RAB38: variants seen among roughly 807,000 people sequenced by gnomAD.
The protein encoded by RAB38 is RAB38, member RAS oncogene family.
A neutral mutation model predicts 18.4 loss-of-function variants in RAB38; 15 were observed. The ratio of observed to expected loss-of-function variants is 0.82; its 90% CI spans 0.55 to 1.26. RAB38 has a LOEUF of 1.26. Among genes scored for constraint, RAB38 ranks in the 50% most tolerant of loss-of-function variants. The probability of loss-of-function intolerance (pLI) is 0.00; values close to 1 mark genes in which losing one functional copy is unlikely to be tolerated. For synonymous variants in RAB38, 101 were observed against 104.4 expected (o/e 0.97, Z 0.20); for missense variants, 294 against 267.4 (o/e 1.10, Z -0.69).
the RAB38 span, among the ~76,000 whole-genome samples, chr11:87,863,228 A>C: frequency 1.3e-5 from 2 of 151,862 alleles, no homozygotes; most frequent in Non-Finnish European, 2.9e-5. Context: ...CTTTAGGTAA[A>C]TTATTTCTCT....
chr11:88,129,593 G>A (rs1215615203), intron 2 of RAB38, among the ~76,000 whole-genome samples: 5 of 152,068 alleles, frequency 3.3e-5, no homozygotes, highest in African/African-American at 9.7e-5. Flanking sequence ...GCAGTGAGCC[G>A]AGATCGTGCC....
At chr11:88,147,620 C>A (rs969912306) in intron 2 of RAB38, among the ~76,000 whole-genome samples, 7 of 150,766 alleles carry the variant, frequency 4.6e-5, no homozygotes, top group African/African-American at 1.7e-4. Context: ...CAGCCGGGTG[C>A]GGTGGCTCAC....
the RAB38 span, among the ~76,000 whole-genome samples, chr11:87,804,898 G>A: frequency 0.06 from 9,204 of 152,166 alleles, 387 homozygotes; most frequent in Admixed American, 0.087. Flanking sequence ...ATTTTTCTCA[G>A]TGTTATCATT....
At chr11:87,833,923 T>G in the RAB38 span, among the ~76,000 whole-genome samples, 57 of 152,346 alleles carry the variant, frequency 3.7e-4, no homozygotes, top group African/African-American at 1.3e-3. Context: ...ATTAAGGTTA[T>G]TACTCAGCTG....
chr11:87,864,164 G>C, the RAB38 span, among the ~76,000 whole-genome samples: 2 of 151,564 alleles, frequency 1.3e-5, no homozygotes, highest in Non-Finnish European at 3.0e-5. Flanking sequence ...TAGATATGTG[G>C]ACATTTTGGA....
chr11:87,920,550 G>C, the RAB38 span, among the ~76,000 whole-genome samples: 3 of 152,076 alleles, frequency 2.0e-5, no homozygotes, highest in South Asian at 2.1e-4. Context: ...TTATTTTGTG[G>C]TTTAATATAT....
the RAB38 span, among the ~76,000 whole-genome samples, chr11:87,805,736 C>CATATATGTGT: frequency 6.6e-6 from 1 of 151,742 alleles, no homozygotes; most frequent in Non-Finnish European, 1.5e-5. Flanking sequence ...TATACACACA[C>CATATATGTGT]ATACATATAT....
the RAB38 span, among the ~76,000 whole-genome samples, chr11:87,877,845 A>G: frequency 0.013 from 1,998 of 151,404 alleles, 43 homozygotes; most frequent in African/African-American, 0.047. Context: ...CATCAAATCA[A>G]TCCCTCCTTG....
At chr11:87,873,949 T>C in the RAB38 span, among the ~76,000 whole-genome samples, 214 of 137,948 alleles carry the variant, frequency 1.6e-3, 1 homozygote, top group Admixed American at 3.6e-3. Flanking sequence ...TATATATATA[T>C]ACTCTGCATA....
chr11:88,108,460 GT>G (rs558872851), downstream of RAB38, among the ~76,000 whole-genome samples: 2 of 151,796 alleles, frequency 1.3e-5, no homozygotes, highest in Non-Finnish European at 2.9e-5. Flanking sequence ...GTTTTTGTTT[GT>G]TTTTTTGTTT....
At chr11:88,145,788 T>C (rs1382151938) in intron 2 of RAB38, among the ~76,000 whole-genome samples, 2 of 152,202 alleles carry the variant, frequency 1.3e-5, no homozygotes, top group East Asian at 1.9e-4. Context: ...GGTGACCATG[T>C]AAATTTAAAT....
chr11:87,911,243 G>C, the RAB38 span, among the ~76,000 whole-genome samples: 16 of 152,072 alleles, frequency 1.1e-4, no homozygotes, highest in Non-Finnish European at 1.9e-4. Flanking sequence ...TCTTCACAAA[G>C]TTGTTTTGAC....
At chr11:88,131,442 T>G (rs1591161131) in intron 2 of RAB38, among the ~76,000 whole-genome samples, 1 of 152,214 alleles carries the variant, frequency 6.6e-6, no homozygotes, top group African/African-American at 2.4e-5. Flanking sequence ...GAATGCTGAT[T>G]TTTGCATAGG....
chr11:88,064,331 A>T, the RAB38 span, among the ~76,000 whole-genome samples: 1 of 152,234 alleles, frequency 6.6e-6, no homozygotes, highest in East Asian at 1.9e-4. Flanking sequence ...CTCCTCTTCT[A>T]GTTAAGTTGA....
At chr11:88,098,788 G>A in the RAB38 span, 5 of 151,882 alleles carry the variant, frequency 3.3e-5, no homozygotes, top group African/African-American at 1.2e-4. Flanking sequence ...TGATTTATTA[G>A]ATAATAGCGA....
At chr11:88,101,358 T>C in the RAB38 span, among the ~76,000 whole-genome samples, 3 of 151,968 alleles carry the variant, frequency 2.0e-5, no homozygotes, top group Admixed American at 2.0e-4. Flanking sequence ...TGAAACATCA[T>C]TTAAAGGCAA....
At chr11:87,924,195 C>A in the RAB38 span, among the ~76,000 whole-genome samples, 1 of 151,906 alleles carries the variant, frequency 6.6e-6, no homozygotes, top group South Asian at 2.1e-4. Context: ...ACTTGCTTCC[C>A]CAATTTGGCA....
chr11:88,086,951 A>T, the RAB38 span, among the ~76,000 whole-genome samples: 1 of 149,904 alleles, frequency 6.7e-6, no homozygotes, highest in Non-Finnish European at 1.5e-5. Context: ...TTTAAAAAGC[A>T]GGCTGGACAA....
At chr11:88,159,236 A>AATAAATAT (rs1179405659) in intron 1 of RAB38, among the ~76,000 whole-genome samples, 5 of 141,352 alleles carry the variant, frequency 3.5e-5, no homozygotes, top group African/African-American at 1.3e-4. Flanking sequence ...TAAATAAATA[A>AATAAATAT]AAATAAAATA....
Sources: gnomAD v4.1 joint callset for allele counts (sites outside exome capture counted in the v4.1 genomes callset) on GRCh38, gnomAD v4.1.1 for gene constraint, MANE v1.5 for transcripts, NCBI Gene and HGNC (gene_info 2026-07-23, HGNC 2026-07-21) for gene names.